The following NSG2 variants were observed in gnomAD, a reference collection of about 807,000 sequenced individuals.
NSG2 encodes neuronal vesicle trafficking-associated protein 2.
In NSG2, 4 loss-of-function variants were observed where a neutral mutation model predicts 16.9. That is an observed-to-expected ratio of 0.24 (90% confidence interval 0.12 to 0.54). The LOEUF (loss-of-function observed/expected upper bound fraction) is 0.54, where lower values mean the gene tolerates loss of function less well. Ranked by LOEUF, NSG2 falls within the 20% of genes least tolerant of loss-of-function variation. The pLI is 0.95. For synonymous variants in NSG2, 98 were observed against 88.7 expected (o/e 1.11, Z -0.59); for missense variants, 179 against 221.1 (o/e 0.81, Z 1.21).
chr5:174,097,659 G>C (rs545328786), intron 3 of NSG2, among the ~76,000 whole-genome samples: 1 of 150,964 alleles, frequency 6.6e-6, no homozygotes, highest in East Asian at 2.0e-4. Context: ...CTCAGTGAGT[G>C]TGTGTGTGAA....
chr5:174,090,567 A>G (rs1760705833), intron 3 of NSG2, among the ~76,000 whole-genome samples: 1 of 152,232 alleles, frequency 6.6e-6, no homozygotes, highest in African/African-American at 2.4e-5. Flanking sequence ...CTTCCCAGAC[A>G]CCAGCCAAGG....
intron 3 of NSG2, among the ~76,000 whole-genome samples, chr5:174,085,347 A>G (rs1215038910): frequency 6.6e-6 from 1 of 151,752 alleles, no homozygotes; most frequent in Non-Finnish European, 1.5e-5. Context: ...GAAATTGTGG[A>G]GCAGAGATTA....
intron 4 of NSG2, among the ~76,000 whole-genome samples, chr5:174,106,568 T>A (rs1181266018): frequency 6.6e-6 from 1 of 151,068 alleles, no homozygotes; most frequent in African/African-American, 2.4e-5. Flanking sequence ...ACATGAATGT[T>A]GTTAGGAATG....
At chr5:174,089,393 G>A (rs1280281670) in intron 3 of NSG2, among the ~76,000 whole-genome samples, 1 of 152,154 alleles carries the variant, frequency 6.6e-6, no homozygotes, top group Non-Finnish European at 1.5e-5. Flanking sequence ...AACCCATGAG[G>A]TGGAAGGTAG....
intron 2 of NSG2, among the ~76,000 whole-genome samples, chr5:174,051,548 C>A (rs1759890078): frequency 6.6e-6 from 1 of 152,152 alleles, no homozygotes; most frequent in Non-Finnish European, 1.5e-5. Flanking sequence ...ATCCACCAAT[C>A]CATCCATCCA....
chr5:174,096,823 CAG>C (rs1760800923), intron 3 of NSG2, among the ~76,000 whole-genome samples: 1 of 152,018 alleles, frequency 6.6e-6, no homozygotes, highest in Non-Finnish European at 1.5e-5. Context: ...GGGGTCGCTG[CAG>C]AGTCAGGCCC....
intron 3 of NSG2, among the ~76,000 whole-genome samples, chr5:174,101,980 A>G (rs1425973925): frequency 6.6e-6 from 1 of 152,156 alleles, no homozygotes; most frequent in Non-Finnish European, 1.5e-5. Flanking sequence ...TCTCTGCACC[A>G]TCTCATCCCA....
At chr5:174,071,646 C>T (rs1455546034) in intron 3 of NSG2, among the ~76,000 whole-genome samples, 3 of 152,248 alleles carry the variant, frequency 2.0e-5, no homozygotes, top group African/African-American at 7.2e-5. Flanking sequence ...ACTCTTTGGG[C>T]TCCTGCCTGT....
At chr5:174,049,438 C>A (rs61271091) in intron 2 of NSG2, among the ~76,000 whole-genome samples, 4 of 113,674 alleles carry the variant, frequency 3.5e-5, no homozygotes. Flanking sequence ...TATGTGCACG[C>A]GCACGTGCAC....
At chr5:174,075,594 G>A (rs1279790423) in intron 3 of NSG2, among the ~76,000 whole-genome samples, 3 of 152,174 alleles carry the variant, frequency 2.0e-5, no homozygotes, top group Non-Finnish European at 4.4e-5. Context: ...AAAAAGAGAA[G>A]CGACAATTTC....
intron 2 of NSG2, among the ~76,000 whole-genome samples, chr5:174,049,077 T>C (rs963089333): frequency 1.3e-4 from 19 of 151,988 alleles, no homozygotes; most frequent in Middle Eastern, 3.4e-3. Context: ...TGGTGGCTCA[T>C]GCCTGTAATC....
chr5:174,050,388 G>C (rs1232764330), intron 2 of NSG2, among the ~76,000 whole-genome samples: 1 of 152,164 alleles, frequency 6.6e-6, no homozygotes, highest in Non-Finnish European at 1.5e-5. Flanking sequence ...CTGAAGACTT[G>C]TTCCAGGCCA....
rs749335885 is a variant in NSG2, at chr5:174,107,687, T to G, written c.*182T>G. ...GTGCTGGAGTTGTCTGAACCGATATTTCTTTTTGTTCCTTGGTATTGTTGA... is the reference window on the plus strand; with the variant it reads ...GTGCTGGAGTTGTCTGAACCGATATGTCTTTTTGTTCCTTGGTATTGTTGA... On this transcript the variant is annotated 3_prime_UTR_variant, in exon 5 of 5. Coordinates refer to ENST00000303177, the MANE Select transcript of NSG2 (RefSeq NM_015980.5). The surrounding 1 kb of genome is among the most constrained non-coding windows in gnomAD (Gnocchi z 4.5). 1 of 721,194 alleles carries G rather than the reference T, an allele frequency of 1.4e-6. No homozygotes were observed. The highest frequency in any genetic ancestry group is 1.5e-5 in the South Asian group (1 of 67,132). 44.7% of individuals were successfully genotyped at this position (721,194 alleles called of 1,614,324 possible). A position where few individuals can be genotyped will look rare whatever the true frequency, so the allele number is the denominator to read the frequency against.
chr5:174,077,466 G>A (rs1055884456), intron 3 of NSG2, among the ~76,000 whole-genome samples: 3 of 152,010 alleles, frequency 2.0e-5, no homozygotes, highest in Non-Finnish European at 4.4e-5. Flanking sequence ...AGTCTCCTCC[G>A]AACAAGCTAA....
chr5:174,107,525 T>A lies in NSG2; in HGVS notation c.*20T>A, dbSNP rs759168095. 3 of 1,437,108 alleles carry A rather than the reference T, an allele frequency of 2.1e-6. No individual in the cohort carries two copies. In the Admixed American group the frequency reaches 5.7e-5, roughly 27 times the overall value. The allele number at this position is 1,437,108 out of a possible 1,614,324, so 89.0% of individuals were successfully genotyped here. On this transcript the variant is annotated 3_prime_UTR_variant, in exon 5 of 5. Coordinates refer to ENST00000303177, the MANE Select transcript of NSG2 (RefSeq NM_015980.5). The surrounding 1 kb of genome is among the most constrained non-coding windows in gnomAD (Gnocchi z 4.5). ...CACTAGAGGCCTGCCCCAGCCAGAA[T>A]GGGGGGCGGGGTGGAGAGGAGGACC...
At chr5:174,066,423 G>A (rs956035509) in intron 3 of NSG2, 7 of 346,880 alleles carry the variant, frequency 2.0e-5, no homozygotes, top group African/African-American at 1.5e-4. Context: ...GTTTGCTGCA[G>A]TACTATCTAT....
chr5:174,098,976 C>A (rs1338457405), intron 3 of NSG2, among the ~76,000 whole-genome samples: 1 of 152,180 alleles, frequency 6.6e-6, no homozygotes, highest in Non-Finnish European at 1.5e-5. Flanking sequence ...GTTATATAAA[C>A]CGAGTCAATA....
At chr5:174,053,055 A>G (rs1318945533) in intron 2 of NSG2, among the ~76,000 whole-genome samples, 1 of 152,248 alleles carries the variant, frequency 6.6e-6, no homozygotes, top group African/African-American at 2.4e-5. Flanking sequence ...AATTTTGCAC[A>G]GTAGGCCACA....
At chr5:174,089,480 G>C (rs951086850) in intron 3 of NSG2, among the ~76,000 whole-genome samples, 1 of 152,158 alleles carries the variant, frequency 6.6e-6, no homozygotes, top group African/African-American at 2.4e-5. Flanking sequence ...CCACAGGGAA[G>C]GAGAGGAAGA....
Sources: gnomAD v4.1 joint callset for allele counts (sites outside exome capture counted in the v4.1 genomes callset) on GRCh38, gnomAD v4.1.1 for gene constraint, Gnocchi (gnomAD v3.1) non-coding constraint, MANE v1.5 for transcripts, NCBI Gene and HGNC (gene_info 2026-07-23, HGNC 2026-07-21) for gene names.